LRP2: variants seen among roughly 807,000 people sequenced by gnomAD.
LRP2 encodes the protein low-density lipoprotein receptor-related protein 2.
A neutral mutation model predicts 531.0 loss-of-function variants in LRP2; 172 were observed. That is an observed-to-expected ratio of 0.32 (90% CI 0.29 to 0.37). The LOEUF is 0.37. Among genes scored for constraint, LRP2 ranks in the 10% least tolerant of loss-of-function variants. The pLI, the probability that LRP2 is intolerant of heterozygous loss-of-function variation, is 1.00. For synonymous variants in LRP2, 1,992 were observed against 2,027.6 expected (o/e 0.98, Z 0.47); for missense variants, 5,167 against 5,868.3 (o/e 0.88, Z 3.90).
At chr2:169,358,883 C>A (rs1229590356) in intron 1 of LRP2, among the ~76,000 whole-genome samples, 2 of 134,188 alleles carry the variant, frequency 1.5e-5, no homozygotes, top group Admixed American at 7.9e-5. Flanking sequence ...TTGTTTAAGG[C>A]CAATACGATT....
chr2:169,256,642 A>AG (rs1291311397), intron 18 of LRP2, among the ~76,000 whole-genome samples: 1 of 152,044 alleles, frequency 6.6e-6, no homozygotes. Flanking sequence ...CTATATTCCT[A>AG]GATAGATCAT....
intron 1 of LRP2, among the ~76,000 whole-genome samples, chr2:169,327,950 G>A (rs1187522178): frequency 9.2e-5 from 9 of 97,902 alleles, no homozygotes; most frequent in African/African-American, 2.3e-4. Context: ...TCAGCCCCCC[G>A]CCCGGCCAGC....
At chr2:169,335,325 T>C (rs1685374662) in intron 1 of LRP2, among the ~76,000 whole-genome samples, 1 of 152,208 alleles carries the variant, frequency 6.6e-6, no homozygotes, top group South Asian at 2.1e-4. Context: ...CAAAAAGAAA[T>C]TGATGATAAA....
chr2:169,205,801 G>A (rs542716293), intron 40 of LRP2, among the ~76,000 whole-genome samples, 164 bp from the exon 41 acceptor site: 14 of 152,150 alleles, frequency 9.2e-5, no homozygotes, highest in African/African-American at 3.4e-4. Context: ...AGTAAGTCAG[G>A]GTGTTGACTT....
rs752523759 is a variant in LRP2 at position 169,185,483 on chromosome 2, G to T, written c.9845+20C>A. 1 of 1,611,202 alleles carries T rather than the reference G, an allele frequency of 6.2e-7. No homozygotes were observed. Among genetic ancestry groups the T allele is most frequent in the South Asian group, 1.1e-5 (1 of 90,988 alleles). ...TTTTTTAATTTTTAACTTTTAAAAAGCTCATCAGTGTTTTCTTACCTGGAA... is the reference window on the plus strand; with the variant it reads ...TTTTTTAATTTTTAACTTTTAAAAATCTCATCAGTGTTTTCTTACCTGGAA... On this transcript the variant is annotated intron_variant, in intron 50 of 78. Transcript: ENST00000649046.
intron 9 of LRP2, among the ~76,000 whole-genome samples, chr2:169,287,062 G>C (rs1430845648): frequency 6.6e-6 from 1 of 152,156 alleles, no homozygotes; most frequent in African/African-American, 2.4e-5. Flanking sequence ...CAGAAGTGAG[G>C]CTGCCCCTTT....
At chr2:169,193,035 A>G (rs183868471) in intron 47 of LRP2, among the ~76,000 whole-genome samples, 2 of 152,340 alleles carry the variant, frequency 1.3e-5, no homozygotes, top group African/African-American at 4.8e-5. Context: ...ATGTTCCATT[A>G]TCTACTCAAG....
At chr2:169,265,190 G>C (rs1359315573) in intron 16 of LRP2, among the ~76,000 whole-genome samples, 1 of 152,010 alleles carries the variant, frequency 6.6e-6, no homozygotes, top group Non-Finnish European at 1.5e-5. Context: ...CCCCAGAACA[G>C]ACCACCATCT....
chr2:169,240,945 C>G (rs1158604357), intron 25 of LRP2, 43 bp downstream of exon 25: 1 of 1,603,844 alleles, frequency 6.2e-7, no homozygotes, highest in Non-Finnish European at 8.5e-7. Flanking sequence ...GGCTACTGTT[C>G]AGAATGAGTT....
intron 4 of LRP2, among the ~76,000 whole-genome samples, chr2:169,305,987 T>C (rs1326003409): frequency 2.0e-5 from 3 of 152,082 alleles, no homozygotes. Flanking sequence ...CATCCAGGTT[T>C]GTTTAACAAC....
rs781302853 is a variant in LRP2, at chr2:169,225,301, A to G, written c.5538+9T>C. The G allele has an allele frequency of 1.2e-5, 19 of 1,613,050 alleles. No homozygotes were observed. Among genetic ancestry groups the G allele is most frequent in the Non-Finnish European group, 1.6e-5 (19 of 1,179,270 alleles). On this transcript the variant is annotated intron_variant, in intron 33 of 78. Transcript: ENST00000649046. Reference sequence around the variant, plus strand: ...AATGTTTGTGTAAGTAGTATTATGGAATCATTACCTCGATTGACTGAGTTC... The same window carrying G: ...AATGTTTGTGTAAGTAGTATTATGGGATCATTACCTCGATTGACTGAGTTC...
At chr2:169,256,623 T>C (rs1011689194) in intron 18 of LRP2, among the ~76,000 whole-genome samples, 3 of 152,234 alleles carry the variant, frequency 2.0e-5, no homozygotes, top group Non-Finnish European at 4.4e-5. Context: ...ATTTACTCTA[T>C]TCCTTTTCCT....
chr2:169,304,092 G>A (rs1187936176), intron 4 of LRP2, among the ~76,000 whole-genome samples: 1 of 152,150 alleles, frequency 6.6e-6, no homozygotes, highest in African/African-American at 2.4e-5. Flanking sequence ...TTTAGTCTTG[G>A]CTGCAAACAT....
chr2:169,160,195 A>AT (rs1324836694), intron 63 of LRP2, among the ~76,000 whole-genome samples: 1 of 152,186 alleles, frequency 6.6e-6, no homozygotes, highest in East Asian at 1.9e-4. Flanking sequence ...TCTTTCCTTT[A>AT]TACCTGAATG....
chr2:169,132,588 C>A lies in LRP2; in HGVS notation c.13714G>T (p.Ala4572Ser), dbSNP rs1426866621. The A allele has an allele frequency of 6.2e-7, 1 of 1,602,594 alleles. No homozygotes were observed. Residue 4572 changes from alanine (A) to serine (S), a missense_variant, in exon 77 of 79, where the codon GCT becomes TCT. Ala to Ser is a moderately conservative substitution (Grantham distance 99, BLOSUM62 1). Around this residue, in one of 6 missense-constraint regions of LRP2, gnomAD observed 348 missense variants for 369.3 expected, o/e 0.94. Coordinates refer to ENST00000649046, the MANE Select transcript of LRP2 (RefSeq NM_004525.3). ...VPETNPTSPA[A>S]DGTQVTKWNL... ...GCAACTGTTACCTGAGTTCCATCAG[C>A]AGCTGGTGAAGTTGGGTTTGTCTCT...
rs1038880121 is a variant in LRP2, at chr2:169,172,105, A to T, written c.11173T>A (p.Phe3725Ile). The change falls in exon 58 of 79, where the codon TTC becomes ATC. Residue 3725 changes from phenylalanine (F) to isoleucine (I), a missense_variant. Transcript: ENST00000649046. The stretch of plus-strand genomic sequence containing the variant: ...ATGCAGTGGTGATTTTTACAGCGGA[A>T]ATCCCCCACAGGATGGCATGTCCTC... ...EERTCHPVGD[F>I]RCKNHHCIPL... 1 of 1,614,190 alleles carries T rather than the reference A, an allele frequency of 6.2e-7. No individual in the cohort carries two copies. The highest frequency in any genetic ancestry group is 8.5e-7 in the Non-Finnish European group (1 of 1,180,020).
At chr2:169,242,545 C>T (rs1281520301) in intron 24 of LRP2, among the ~76,000 whole-genome samples, 5 of 152,012 alleles carry the variant, frequency 3.3e-5, no homozygotes, top group Admixed American at 3.3e-4. Context: ...TCATCAGAGT[C>T]AATACTAAAC....
At chr2:169,182,565 A>C in intron 50 of LRP2, 1 of 1,372,332 alleles carries the variant, frequency 7.3e-7, no homozygotes, top group Non-Finnish European at 9.5e-7. Context: ...TACGGGGGAC[A>C]CACTTCATTC....
Position 169,293,617 on chromosome 2 carries a change from G to A in LRP2, c.652+531C>T, listed in dbSNP as rs987767691. Among the ~76,000 whole-genome samples the A allele has an allele frequency of 2.2e-4, 34 of 152,170 alleles. 1 individual carries two copies. The highest frequency in any genetic ancestry group is 6.5e-5 in the Admixed American group (1 of 15,280). On this transcript the variant is annotated intron_variant, in intron 6 of 78. Coordinates refer to ENST00000649046, the MANE Select transcript of LRP2 (RefSeq NM_004525.3). Reference sequence around the variant, plus strand: ...TTGAACCCAGGAGGCGGAAGTGGCAGTAAGCCGAGATCGCGCCACTGTACT... The same window carrying A: ...TTGAACCCAGGAGGCGGAAGTGGCAATAAGCCGAGATCGCGCCACTGTACT...
Sources: allele counts gnomAD v4.1 joint callset (sites outside exome capture counted in the v4.1 genomes callset), GRCh38; gene constraint gnomAD v4.1.1; regional missense constraint gnomAD v4.1.1; transcripts MANE v1.5; gene names NCBI Gene and HGNC (gene_info 2026-07-23, HGNC 2026-07-21).